PTPRK: variants seen among roughly 807,000 people sequenced by gnomAD.
PTPRK encodes the protein receptor-type tyrosine-protein phosphatase kappa.
PTPRK carries 75 observed loss-of-function variants against 178.0 expected under a neutral mutation model. The ratio of observed to expected loss-of-function variants is 0.42; its 90% confidence interval spans 0.35 to 0.51. PTPRK has a LOEUF of 0.51. PTPRK is among the 20% of genes least tolerant of loss of function. The probability of loss-of-function intolerance (pLI) is 0.02; values close to 1 mark genes in which losing one functional copy is unlikely to be tolerated. For synonymous variants in PTPRK, 637 were observed against 620.6 expected, an observed-to-expected ratio of 1.03 and a Z score of -0.39; for missense variants, 1,441 against 1,797.8, an observed-to-expected ratio of 0.80 and a Z score of 3.59.
At chr6:128,326,678 C>A (rs368950401) in intron 2 of PTPRK, among the ~76,000 whole-genome samples, 2 of 152,214 alleles carry the variant, frequency 1.3e-5, no homozygotes, top group South Asian at 4.1e-4. Flanking sequence ...CACATATGCA[C>A]ACACATACAC....
At chr6:128,007,124 CA>C (rs1778526251) in intron 14 of PTPRK, among the ~76,000 whole-genome samples, 1 of 150,650 alleles carries the variant, frequency 6.6e-6, no homozygotes, top group African/African-American at 2.4e-5. Flanking sequence ...ATATCCAATG[CA>C]ATGCTGCTAT....
intron 1 of PTPRK, among the ~76,000 whole-genome samples, chr6:128,494,768 C>G (rs541487418): frequency 6.6e-6 from 1 of 152,236 alleles, no homozygotes; most frequent in Non-Finnish European, 1.5e-5. Flanking sequence ...TCCAAAAGAG[C>G]CTGAAACTTG....
Position 127,976,993 on chromosome 6 carries a change from T to A in PTPRK, c.3773A>T (p.Asp1258Val). 6.2e-7 allele frequency: 1 copy of A among 1,614,058 alleles called. No homozygotes were observed. The highest frequency in any genetic ancestry group is 8.5e-7 in the Non-Finnish European group (1 of 1,179,960). Reference protein sequence around the residue: ...TQYPLPNTVKDFWRLVYDYGC... With the variant: ...TQYPLPNTVKVFWRLVYDYGC... ...ATAATCATACACTAATCTCCAGAAG[T>A]CTTTTACAGTGTTTGGCAGAGGGTA... Residue 1258 changes from aspartate (D) to valine (V), a missense_variant, in exon 26 of 30, where the codon GAC (aspartate) becomes GTC (valine). Coordinates refer to ENST00000368226, the MANE Select transcript of PTPRK (RefSeq NM_002844.4).
chr6:128,194,064 ATATTATTAT>A (rs373236074), intron 6 of PTPRK, among the ~76,000 whole-genome samples: 612 of 137,546 alleles, frequency 4.4e-3, no homozygotes, highest in Non-Finnish European at 4.8e-3. Flanking sequence ...ATTTATATAT[ATATTATTAT>A]TATTATTATT....
intron 13 of PTPRK, among the ~76,000 whole-genome samples, chr6:128,023,610 A>T (rs1157941126): frequency 6.6e-6 from 1 of 152,050 alleles, no homozygotes; most frequent in Non-Finnish European, 1.5e-5. Context: ...CCAAACTATC[A>T]TTTCTCACCT....
At chr6:128,062,705 C>G (rs905759756) in intron 13 of PTPRK, 9 of 159,244 alleles carry the variant, frequency 5.7e-5, no homozygotes, top group African/African-American at 2.2e-4. Context: ...ATTTTAGAGA[C>G]AGGGTCTCAC....
chr6:128,382,871 G>T (rs1838146832), intron 2 of PTPRK, among the ~76,000 whole-genome samples: 1 of 152,072 alleles, frequency 6.6e-6, no homozygotes, highest in South Asian at 2.1e-4. Flanking sequence ...AACAACTTTT[G>T]TACCACTGCT....
At chr6:128,299,111 C>T (rs1825064455) in intron 3 of PTPRK, among the ~76,000 whole-genome samples, 1 of 152,088 alleles carries the variant, frequency 6.6e-6, no homozygotes, top group African/African-American at 2.4e-5. Context: ...GAGTGAACTC[C>T]CAATCACAAT....
chr6:128,425,266 T>G (rs554428170), intron 1 of PTPRK, among the ~76,000 whole-genome samples: 1 of 151,790 alleles, frequency 6.6e-6, no homozygotes, highest in Non-Finnish European at 1.5e-5. Context: ...TTTAGTAGAG[T>G]TGGGGTTTCA....
intron 13 of PTPRK, among the ~76,000 whole-genome samples, chr6:128,055,400 G>T (rs1274660710): frequency 6.6e-6 from 1 of 152,112 alleles, no homozygotes; most frequent in Non-Finnish European, 1.5e-5. Context: ...ATATGCTTAA[G>T]ACCTAAGTAA....
At chr6:128,409,469 A>G (rs144111071) in intron 1 of PTPRK, 1 of 283,214 alleles carries the variant, frequency 3.5e-6, no homozygotes, top group East Asian at 1.1e-4. Flanking sequence ...TATTTTCATT[A>G]TGAAATGCTT....
chr6:128,007,628 C>A (rs1278462831), intron 14 of PTPRK, among the ~76,000 whole-genome samples: 1 of 150,656 alleles, frequency 6.6e-6, no homozygotes, highest in Non-Finnish European at 1.5e-5. Context: ...AAATCAGAGG[C>A]CTGGATAGGG....
chr6:128,125,145 A>G (rs1430398015), intron 7 of PTPRK, among the ~76,000 whole-genome samples: 2 of 152,274 alleles, frequency 1.3e-5, no homozygotes, highest in South Asian at 4.2e-4. Context: ...TTTGCCTTTT[A>G]AAAAATGTCA....
At chr6:128,428,042 G>A (rs761454828) in intron 1 of PTPRK, among the ~76,000 whole-genome samples, 48 of 151,976 alleles carry the variant, frequency 3.2e-4, no homozygotes, top group Non-Finnish European at 6.0e-4. Context: ...GCAGTGAGCC[G>A]AGATCACGCC....
intron 1 of PTPRK, among the ~76,000 whole-genome samples, chr6:128,422,598 A>G (rs1018100767): frequency 2.3e-5 from 3 of 132,184 alleles, no homozygotes; most frequent in Non-Finnish European, 4.7e-5. Flanking sequence ...GGTTCACATT[A>G]TTGGTTCCAT....
At chr6:128,177,398 T>C (rs535366918) in intron 7 of PTPRK, among the ~76,000 whole-genome samples, 1 of 151,940 alleles carries the variant, frequency 6.6e-6, no homozygotes, top group Non-Finnish European at 1.5e-5. Flanking sequence ...TACCTGAAGA[T>C]TTATTGTAGT....
chr6:128,267,465 T>C (rs576647679), intron 3 of PTPRK, among the ~76,000 whole-genome samples: 1 of 152,220 alleles, frequency 6.6e-6, no homozygotes, highest in South Asian at 2.1e-4. Context: ...TTATAAGCTG[T>C]ACAAGGAAAG....
intron 7 of PTPRK, among the ~76,000 whole-genome samples, chr6:128,181,214 T>C (rs1444920378): frequency 1.3e-5 from 2 of 152,086 alleles, no homozygotes; most frequent in Non-Finnish European, 2.9e-5. Flanking sequence ...GCTGGAAAAT[T>C]ATTTATTGAC....
chr6:128,442,286 T>C (rs1220852666), intron 1 of PTPRK, among the ~76,000 whole-genome samples: 3 of 152,198 alleles, frequency 2.0e-5, no homozygotes, highest in African/African-American at 4.8e-5. Flanking sequence ...TTCAATTCAT[T>C]GCCTACCTCC....
Sources: allele counts gnomAD v4.1 joint callset (sites outside exome capture counted in the v4.1 genomes callset), GRCh38; gene constraint gnomAD v4.1.1; transcripts MANE v1.5; gene names NCBI Gene and HGNC (gene_info 2026-07-23, HGNC 2026-07-21).